Variants in JAKMIP2 observed in about 807,000 individuals in gnomAD.
JAKMIP2 encodes janus kinase and microtubule-interacting protein 2.
In JAKMIP2, 25 loss-of-function variants were observed where a neutral mutation model predicts 115.0. The observed-to-expected ratio is 0.22, with a 90% CI of 0.16 to 0.30. The LOEUF (loss-of-function observed/expected upper bound fraction) is 0.30, where lower values mean the gene tolerates loss of function less well. JAKMIP2 is among the 10% of genes least tolerant of loss of function. The pLI, the probability that JAKMIP2 is intolerant of heterozygous loss-of-function variation, is 1.00. For synonymous variants in JAKMIP2, 334 were observed against 343.6 expected (o/e 0.97, Z 0.31); for missense variants, 642 against 957.6 (o/e 0.67, Z 4.35).
rs979436371 is a variant in JAKMIP2, at chr5:147,608,969, C to T, written c.2412+3337G>A. ...TTTTTGATTTTTGTTGGTTTAAAGT[C>T]GGTTTTATCAGAGACTAGAATTGCA... On this transcript the variant is annotated intron_variant, in intron 20 of 21. Coordinates refer to ENST00000616793, the MANE Select transcript of JAKMIP2 (RefSeq NM_001270941.2). Among the ~76,000 whole-genome samples, 12 of 147,856 alleles carry T rather than the reference C, an allele frequency of 8.1e-5. 1 individual carries two copies. The highest frequency in any genetic ancestry group is 6.6e-4 in the South Asian group (3 of 4,572).
chr5:147,776,846 T>C (rs968232140), intron 1 of JAKMIP2, among the ~76,000 whole-genome samples: 1 of 152,104 alleles, frequency 6.6e-6, no homozygotes, highest in African/African-American at 2.4e-5. Context: ...AAGAATCACT[T>C]GAATCCAGCA....
chr5:147,632,866 G>A (rs1482866587), intron 12 of JAKMIP2, 88 bp from the exon 13 acceptor site: 1 of 768,010 alleles, frequency 1.3e-6, no homozygotes, highest in South Asian at 1.7e-5. Flanking sequence ...TTTACTCAGT[G>A]AATAAGTCTT....
chr5:147,650,314 TAACTTC>T lies in JAKMIP2; in HGVS notation c.837+18_837+23del. On this transcript the variant is annotated intron_variant, in intron 4 of 21. Transcript: ENST00000616793. ...AAATAAAAGATGACTTGTGCATTCT[TAACTTC>T]AACTAGAATGGACTTACAGGACTGC... 4 of 1,467,860 alleles carry T rather than the reference TAACTTC, an allele frequency of 2.7e-6. No homozygotes were observed. The highest frequency in any genetic ancestry group is 3.8e-6 in the Non-Finnish European group (4 of 1,046,682). The allele number at this position is 1,467,860 out of a possible 1,614,324, so 90.9% of individuals were successfully genotyped here.
At chr5:147,753,918 G>A (rs1754652305) in intron 1 of JAKMIP2, among the ~76,000 whole-genome samples, 2 of 151,632 alleles carry the variant, frequency 1.3e-5, no homozygotes, top group South Asian at 2.1e-4. Context: ...ATGATGACCA[G>A]AGTGAAACTC....
chr5:147,705,643 G>C (rs531853138), intron 1 of JAKMIP2, among the ~76,000 whole-genome samples: 1 of 151,952 alleles, frequency 6.6e-6, no homozygotes, highest in African/African-American at 2.4e-5. Flanking sequence ...TCACCTTTCC[G>C]ATATGCAAAG....
intron 1 of JAKMIP2, among the ~76,000 whole-genome samples, chr5:147,695,773 A>G: frequency 6.6e-6 from 1 of 152,110 alleles, no homozygotes; most frequent in East Asian, 1.9e-4. Flanking sequence ...ATTTTTAGGT[A>G]CTGATTGATA....
chr5:147,678,959 TTTTATTTATTTA>T (rs60338770), intron 1 of JAKMIP2, among the ~76,000 whole-genome samples: 51,922 of 147,790 alleles, frequency 0.35, 10,763 homozygotes, highest in African/African-American at 0.56. Context: ...CCAACTACAT[TTTTATTTATTTA>T]TTTATTTATT....
chr5:147,771,923 A>T (rs1380045193), intron 1 of JAKMIP2, among the ~76,000 whole-genome samples: 1 of 152,074 alleles, frequency 6.6e-6, no homozygotes, highest in East Asian at 1.9e-4. Flanking sequence ...CTATCTATTC[A>T]TATTCTTCCC....
At chr5:147,733,605 C>A (rs2126975440) in intron 1 of JAKMIP2, among the ~76,000 whole-genome samples, 1 of 152,202 alleles carries the variant, frequency 6.6e-6, no homozygotes, top group Admixed American at 6.5e-5. Flanking sequence ...CTAATGCTGT[C>A]CCTCCCCTAC....
At chr5:147,681,423 A>G (rs935977817) in intron 1 of JAKMIP2, among the ~76,000 whole-genome samples, 6 of 152,190 alleles carry the variant, frequency 3.9e-5, no homozygotes, top group African/African-American at 1.4e-4. Context: ...TTAGGGCCAG[A>G]TCAAATATCA....
chr5:147,639,981 G>GGA (rs1757805677), intron 9 of JAKMIP2, among the ~76,000 whole-genome samples: 1 of 152,166 alleles, frequency 6.6e-6, no homozygotes, highest in Non-Finnish European at 1.5e-5. Flanking sequence ...TTTAGTAAAA[G>GGA]AAGCATTTAG....
At chr5:147,765,483 A>G (rs965571776) in intron 1 of JAKMIP2, among the ~76,000 whole-genome samples, 1 of 152,106 alleles carries the variant, frequency 6.6e-6, no homozygotes, top group African/African-American at 2.4e-5. Context: ...CATTTCCTGC[A>G]TATCTTTATA....
chr5:147,595,225 C>T (rs368757127), intron 21 of JAKMIP2, among the ~76,000 whole-genome samples: 5 of 152,096 alleles, frequency 3.3e-5, no homozygotes, highest in South Asian at 2.1e-4. Context: ...TTGGAGAGTG[C>T]TATATTTTGA....
intron 1 of JAKMIP2, among the ~76,000 whole-genome samples, chr5:147,754,620 C>T (rs921342762): frequency 2.0e-5 from 3 of 152,070 alleles, no homozygotes; most frequent in African/African-American, 7.2e-5. Flanking sequence ...GTGATACAAG[C>T]AAACAGCTAC....
intron 1 of JAKMIP2, among the ~76,000 whole-genome samples, chr5:147,680,342 T>G (rs2126830332): frequency 6.6e-6 from 1 of 152,308 alleles, no homozygotes; most frequent in Middle Eastern, 3.4e-3. Flanking sequence ...AAATACGACC[T>G]ACATTGACAG....
intron 2 of JAKMIP2, among the ~76,000 whole-genome samples, chr5:147,670,866 CTAAG>C (rs1759545772): frequency 1.3e-5 from 2 of 152,136 alleles, no homozygotes; most frequent in South Asian, 4.1e-4. Flanking sequence ...TCTAGGGACA[CTAAG>C]TAAACTGAAT....
chr5:147,670,559 A>G (rs1159142182), intron 2 of JAKMIP2, among the ~76,000 whole-genome samples: 2 of 152,182 alleles, frequency 1.3e-5, no homozygotes, highest in Non-Finnish European at 2.9e-5. Context: ...GATTGAGAGA[A>G]GTAAAGAGAC....
chr5:147,643,587 G>T (rs534658569), intron 7 of JAKMIP2, among the ~76,000 whole-genome samples: 7 of 152,140 alleles, frequency 4.6e-5, no homozygotes, highest in Non-Finnish European at 7.3e-5. Flanking sequence ...TGAAATTTTA[G>T]CTCTGTTATG....
At chr5:147,611,302 G>A (rs1049799374) in intron 20 of JAKMIP2, among the ~76,000 whole-genome samples, 1 of 152,264 alleles carries the variant, frequency 6.6e-6, no homozygotes, top group Non-Finnish European at 1.5e-5. Context: ...TGAAACCCAG[G>A]GCCCTTGTGG....
Sources: allele counts gnomAD v4.1 joint callset (sites outside exome capture counted in the v4.1 genomes callset), GRCh38; gene constraint gnomAD v4.1.1; transcripts MANE v1.5; gene names NCBI Gene and HGNC (gene_info 2026-07-23, HGNC 2026-07-21).